SH3PXD2A: variants seen among roughly 807,000 people sequenced by gnomAD.
SH3PXD2A encodes the protein SH3 and PX domains 2A, also known as SH3 and PX domain-containing protein 2A.
Under a neutral mutation model 115.2 loss-of-function variants are expected in SH3PXD2A, and 32 were observed. That is an observed-to-expected ratio of 0.28 (90% CI 0.21 to 0.37). The LOEUF is 0.37. SH3PXD2A is among the 10% of genes least tolerant of loss of function. The pLI is 1.00. For missense variants in SH3PXD2A, 1,328 were observed against 1,498.7 expected (o/e 0.89, Z 1.88); for synonymous variants, 610 against 629.1 (o/e 0.97, Z 0.45).
At chr10:103,639,608 T>TAA (rs67918508) in intron 8 of SH3PXD2A, among the ~76,000 whole-genome samples, 2 of 85,844 alleles carry the variant, frequency 2.3e-5, no homozygotes, top group African/African-American at 4.6e-5. Context: ...GACTCCGTCT[T>TAA]AAAAAAAAAA....
At chr10:103,707,584 G>A (rs2134152711) in intron 5 of SH3PXD2A, among the ~76,000 whole-genome samples, 1 of 152,208 alleles carries the variant, frequency 6.6e-6, no homozygotes, top group East Asian at 1.9e-4. Flanking sequence ...CTGGCCTCAA[G>A]CAATTCTCCT....
chr10:103,745,656 G>A (rs532904244), intron 3 of SH3PXD2A, among the ~76,000 whole-genome samples: 4 of 152,302 alleles, frequency 2.6e-5, no homozygotes, highest in African/African-American at 7.2e-5. Flanking sequence ...TGCTGGCCAC[G>A]TGGAATCCAA....
At chr10:103,820,371 C>G (rs902773489) in intron 1 of SH3PXD2A, among the ~76,000 whole-genome samples, 3 of 152,166 alleles carry the variant, frequency 2.0e-5, no homozygotes, top group African/African-American at 7.2e-5. Context: ...AAGAAGGGAC[C>G]TGCCAAGCTG....
At chr10:103,706,809 C>T (rs994357811) in intron 5 of SH3PXD2A, among the ~76,000 whole-genome samples, 2 of 152,182 alleles carry the variant, frequency 1.3e-5, no homozygotes, top group African/African-American at 4.8e-5. Context: ...CCTTTCCCCC[C>T]CGAGTAGAGC....
chr10:103,671,556 C>T (rs1029691258), intron 6 of SH3PXD2A, among the ~76,000 whole-genome samples: 6 of 152,238 alleles, frequency 3.9e-5, no homozygotes, highest in Admixed American at 1.3e-4. Context: ...AGTTCTGCTG[C>T]TCCCACTCAA....
chr10:103,771,737 CAACACA>C (rs1452164910), intron 2 of SH3PXD2A, among the ~76,000 whole-genome samples: 2 of 111,088 alleles, frequency 1.8e-5, no homozygotes, highest in African/African-American at 7.5e-5. Flanking sequence ...TCCGTCAAAA[CAACACA>C]CACACACACA....
rs1424761157 is a variant in SH3PXD2A at position 103,617,212 on chromosome 10, C to G, written c.905G>C (p.Gly302Ala). Residue 302 changes from glycine (G) to alanine (A), a missense_variant, in exon 11 of 15, where the codon GGC becomes GCC. Around this residue, in one of 5 missense-constraint regions of SH3PXD2A, gnomAD observed 509 missense variants for 628.3 expected, o/e 0.81. Coordinates refer to ENST00000369774, the MANE Select transcript of SH3PXD2A (RefSeq NM_001394015.1). ...GGTTCCCTACCTGATATACCACCAG[C>G]CTTCCAGATTCTTCCGGATCACCTC... ...TVEVIRKNLE[G>A]WWYIRYLGKE... is the part of the protein sequence containing the mutation. 3.1e-6 allele frequency: 5 copies of G among 1,612,846 alleles called. No homozygotes were observed. In the South Asian group the frequency reaches 4.4e-5, roughly 14 times the overall value.
At chr10:103,852,451 C>T (rs950335181) in intron 1 of SH3PXD2A, among the ~76,000 whole-genome samples, 2 of 152,258 alleles carry the variant, frequency 1.3e-5, no homozygotes, top group African/African-American at 2.4e-5. Flanking sequence ...CTGGCTAACA[C>T]GCACATCCCG....
At chr10:103,644,148 C>T (rs954907664) in intron 8 of SH3PXD2A, among the ~76,000 whole-genome samples, 6 of 147,016 alleles carry the variant, frequency 4.1e-5, no homozygotes, top group East Asian at 4.1e-4. Context: ...AAGAATCTGC[C>T]GAACCTTGGT....
chr10:103,701,097 TATCCATCTACCATCCA>T (rs2037891353), intron 5 of SH3PXD2A, among the ~76,000 whole-genome samples: 1 of 10,554 alleles, frequency 9.5e-5, no homozygotes, highest in Non-Finnish European at 1.6e-4. Context: ...ATTTACCATC[TATCCATCTACCATCCA>T]GCCATCCATC....
In SH3PXD2A at chr10:103,601,061, C is replaced by T. The variant is rs1166811512; in HGVS notation, c.*755G>A. The T allele has an allele frequency of 1.3e-5, 2 of 152,398 alleles. No homozygotes were observed. The highest frequency in any genetic ancestry group is 4.1e-4 in the South Asian group (2 of 4,828). The allele number at this position is 152,398 out of a possible 1,614,324, so 9.4% of individuals were successfully genotyped here. On this transcript the variant is annotated 3_prime_UTR_variant, in exon 15 of 15. Transcript: ENST00000369774. The stretch of plus-strand genomic sequence containing the variant: ...TAGTCTGTGCAGATTAGGAAGAGAC[C>T]GGTGGCTTCGCCCACCCTCTCTGTA...
At chr10:103,711,825 C>T (rs576300988) in intron 5 of SH3PXD2A, among the ~76,000 whole-genome samples, 5 of 152,224 alleles carry the variant, frequency 3.3e-5, no homozygotes, top group East Asian at 3.9e-4. Context: ...GAAGCCGAGG[C>T]GGGAGGATCG....
intron 2 of SH3PXD2A, among the ~76,000 whole-genome samples, chr10:103,797,753 G>C (rs892429974): frequency 6.6e-6 from 1 of 151,918 alleles, no homozygotes; most frequent in African/African-American, 2.4e-5. Flanking sequence ...GGGTGGGGAA[G>C]GGCTGTGCTG....
intron 6 of SH3PXD2A, among the ~76,000 whole-genome samples, chr10:103,672,576 G>A (rs1464194816): frequency 6.6e-6 from 1 of 152,260 alleles, no homozygotes; most frequent in Non-Finnish European, 1.5e-5. Context: ...TCTGGAGCAA[G>A]AATAAAAGCA....
intron 1 of SH3PXD2A, among the ~76,000 whole-genome samples, chr10:103,852,669 C>T (rs1842907197): frequency 1.3e-5 from 2 of 152,188 alleles, no homozygotes; most frequent in South Asian, 2.1e-4. Context: ...CGTGCAAGGG[C>T]CAGGAGAGGA....
At chr10:103,829,376 TA>T (rs1258500008) in intron 1 of SH3PXD2A, among the ~76,000 whole-genome samples, 25 of 152,298 alleles carry the variant, frequency 1.6e-4, no homozygotes, top group African/African-American at 5.5e-4. Flanking sequence ...GTTACTCCCT[TA>T]AGACCCCCTA....
chr10:103,683,312 A>G (rs2037635422), intron 6 of SH3PXD2A, among the ~76,000 whole-genome samples: 1 of 152,208 alleles, frequency 6.6e-6, no homozygotes, highest in African/African-American at 2.4e-5. Context: ...CAGGAGTTCA[A>G]GACGACCCTG....
intron 5 of SH3PXD2A, among the ~76,000 whole-genome samples, chr10:103,694,032 C>A (rs1314400925): frequency 6.6e-6 from 1 of 152,224 alleles, no homozygotes; most frequent in African/African-American, 2.4e-5. Context: ...TCCCACCCCC[C>A]TCCATTCACC....
intron 5 of SH3PXD2A, among the ~76,000 whole-genome samples, chr10:103,711,135 C>A (rs2038041865): frequency 6.6e-6 from 1 of 152,186 alleles, no homozygotes; most frequent in Admixed American, 6.5e-5. Flanking sequence ...AGGCCACCTC[C>A]CTTAACAGCT....
Sources: allele counts gnomAD v4.1 joint callset (sites outside exome capture counted in the v4.1 genomes callset), GRCh38; gene constraint gnomAD v4.1.1; regional missense constraint gnomAD v4.1.1; transcripts MANE v1.5; gene names NCBI Gene and HGNC (gene_info 2026-07-23, HGNC 2026-07-21).